Variants in FBXO42 observed in about 807,000 individuals in gnomAD.
FBXO42 encodes F-box only protein 42.
A neutral mutation model predicts 71.7 loss-of-function variants in FBXO42; 12 were observed. That is an observed-to-expected ratio of 0.17 (90% CI 0.11 to 0.27). The LOEUF (loss-of-function observed/expected upper bound fraction) is 0.27. Among genes scored for constraint, FBXO42 ranks in the 10% least tolerant of loss-of-function variants. The probability of loss-of-function intolerance (pLI) is 1.00; values close to 1 mark genes in which losing one functional copy is unlikely to be tolerated. For missense variants in FBXO42, 707 were observed against 911.9 expected (o/e 0.78, Z 2.89); for synonymous variants, 325 against 327.5 (o/e 0.99, Z 0.08).
intron 1 of FBXO42, among the ~76,000 whole-genome samples, chr1:16,332,058 AAAAGAAAAAGAAAAAGT>A (rs991406151): frequency 5.3e-5 from 8 of 152,170 alleles, no homozygotes; most frequent in Non-Finnish European, 1.2e-4. Context: ...TCCAAAAAAA[AAAAGAAAAAGAAAAAGT>A]ATATGATATC....
intron 2 of FBXO42, among the ~76,000 whole-genome samples, chr1:16,313,147 TA>T (rs2082329394): frequency 1.4e-5 from 2 of 147,520 alleles, no homozygotes; most frequent in Admixed American, 6.8e-5. Context: ...AAGTGCTCTT[TA>T]AAAAAAAAGT....
intron 1 of FBXO42, among the ~76,000 whole-genome samples, chr1:16,346,605 G>A (rs976236197): frequency 1.3e-5 from 2 of 150,716 alleles, no homozygotes; most frequent in Non-Finnish European, 3.0e-5. Flanking sequence ...GGAGAATGGT[G>A]TGAACCCGGG....
At position 16,340,474 on chromosome 1, in the gene FBXO42, C is replaced by G. The variant is rs539998348; in HGVS notation, c.-18+11781G>C. 1.8e-3 allele frequency among the ~76,000 whole-genome samples: 270 copies of G among 152,084 alleles called. 2 individuals are homozygous for G. The highest frequency in any genetic ancestry group is 8.4e-4 in the Non-Finnish European group (57 of 67,996). On this transcript the variant is annotated intron_variant, in intron 1 of 9. Coordinates refer to ENST00000375592, the MANE Select transcript of FBXO42 (RefSeq NM_018994.3). The stretch of plus-strand genomic sequence containing the variant: ...TAGCTGGAATTAAAGGCGCCCACCC[C>G]GCCCAGCTAATTTTTTGTATTTTTA...
intron 3 of FBXO42, 100 bp from the exon 4 acceptor site, chr1:16,295,017 G>T: frequency 7.3e-7 from 1 of 1,370,978 alleles, no homozygotes; most frequent in Non-Finnish European, 9.6e-7. Flanking sequence ...CACACATTCA[G>T]CAATTTTGTT....
At chr1:16,266,028 A>G (rs1484641844) in intron 4 of FBXO42, among the ~76,000 whole-genome samples, 3 of 152,192 alleles carry the variant, frequency 2.0e-5, no homozygotes, top group Admixed American at 6.5e-5. Flanking sequence ...GGAGAAACTG[A>G]CTTATTTATT....
chr1:16,344,274 T>C (rs1489310459), intron 1 of FBXO42, among the ~76,000 whole-genome samples: 1 of 150,104 alleles, frequency 6.7e-6, no homozygotes, highest in Non-Finnish European at 1.5e-5. Flanking sequence ...CTGGGATTAC[T>C]TTAAGTTAGC....
intron 4 of FBXO42, among the ~76,000 whole-genome samples, chr1:16,264,548 C>A (rs748243228): frequency 1.3e-5 from 2 of 152,186 alleles, no homozygotes; most frequent in Non-Finnish European, 2.9e-5. Context: ...CCATCAAGCA[C>A]GACAGGACCA....
chr1:16,251,211 T>G lies in FBXO42; in HGVS notation c.1613A>C (p.His538Pro). ...GGCACTGGCCACGTGAGGTGGGGTA[T>G]GCACACCATTTGTCTGTTCAGGAGG... The part of the protein sequence containing the change: ...RHPPEQTNGV[H>P]TPPHVASALA... Residue 538 changes from histidine (H) to proline (P), a missense_variant, in exon 10 of 10, where the codon CAT becomes CCT. Around this residue, in one of 5 missense-constraint regions of FBXO42, gnomAD observed 482 missense variants for 587.1 expected, o/e 0.82. Transcript: ENST00000375592. This position sits in a 1 kb window ranked among gnomAD's most constrained non-coding sequence, Gnocchi z 4.5. The G allele has an allele frequency of 3.7e-6, 6 of 1,614,168 alleles. No homozygotes were observed. The highest frequency in any genetic ancestry group is 5.1e-6 in the Non-Finnish European group (6 of 1,180,030).
Position 16,273,999 on chromosome 1 carries a change from C to A in FBXO42, c.503-17240G>T, listed in dbSNP as rs189144741. Reference sequence around the variant, plus strand: ...TCAAAAACGTGTTCAAAGAAAGAAGCCAGACATAAAATACTACCTATCACA... The same window carrying A: ...TCAAAAACGTGTTCAAAGAAAGAAGACAGACATAAAATACTACCTATCACA... On this transcript the variant is annotated intron_variant, in intron 4 of 9. Transcript: ENST00000375592. Among the ~76,000 whole-genome samples the A allele has an allele frequency of 5.2e-3, 790 of 152,224 alleles. 7 individuals are homozygous for A. Among genetic ancestry groups the A allele is most frequent in the African/African-American group, 0.018 (756 of 41,526 alleles).
In FBXO42 at chr1:16,352,440, G is replaced by A; in HGVS notation, c.-203C>T. On this transcript the variant is annotated 5_prime_UTR_variant, in exon 1 of 10. Transcript: ENST00000375592. ...CTTCCTCCACTCAAACGCCGCCGCC[G>A]CCGCAGCTGCTGCTGCTCAGGCCGG... 5.0e-6 allele frequency: 2 copies of A among 398,788 alleles called. No individual in the cohort carries two copies. Among genetic ancestry groups the A allele is most frequent in the East Asian group, 3.6e-5 (1 of 28,102 alleles). 24.7% of individuals were successfully genotyped at this position (398,788 alleles called of 1,614,324 possible). A position where few individuals can be genotyped will look rare whatever the true frequency, so the allele number is the denominator to read the frequency against.
At chr1:16,323,419 AAAACAAAC>A (rs139214149) in intron 1 of FBXO42, among the ~76,000 whole-genome samples, 4 of 152,072 alleles carry the variant, frequency 2.6e-5, no homozygotes, top group African/African-American at 9.7e-5. Context: ...CTCCGTCTCA[AAAACAAAC>A]AAACAAACAA....
chr1:16,250,668 C>T lies in FBXO42; in HGVS notation c.*2G>A, dbSNP rs774906930. On this transcript the variant is annotated 3_prime_UTR_variant, in exon 10 of 10. Coordinates refer to ENST00000375592, the MANE Select transcript of FBXO42 (RefSeq NM_018994.3). This position sits in a 1 kb window ranked among gnomAD's most constrained non-coding sequence, Gnocchi z 4.7. ...CAGAAAAGGAAAGGGGTTTAGAACA[C>T]ATTATCTCTTTGCTCGTACAAAGTA... 7 of 1,611,498 alleles carry T rather than the reference C, an allele frequency of 4.3e-6. No homozygotes were observed. Among genetic ancestry groups the T allele is most frequent in the African/African-American group, 1.3e-5 (1 of 74,718 alleles).
intron 3 of FBXO42, among the ~76,000 whole-genome samples, chr1:16,302,312 G>T (rs1310966009): frequency 6.6e-6 from 1 of 152,156 alleles, no homozygotes; most frequent in Non-Finnish European, 1.5e-5. Flanking sequence ...GCAAGACTGA[G>T]GTAGTGTATT....
chr1:16,263,068 A>C (rs1287745361), intron 4 of FBXO42, among the ~76,000 whole-genome samples: 1 of 152,186 alleles, frequency 6.6e-6, no homozygotes, highest in African/African-American at 2.4e-5. Flanking sequence ...GAAAACAAAC[A>C]ATAAGTCTCT....
intron 4 of FBXO42, among the ~76,000 whole-genome samples, chr1:16,279,124 A>T (rs1219274209): frequency 6.6e-6 from 1 of 152,146 alleles, no homozygotes; most frequent in African/African-American, 2.4e-5. Flanking sequence ...CTCCCTATCC[A>T]ATTTTTAAGG....
intron 4 of FBXO42, among the ~76,000 whole-genome samples, chr1:16,284,304 A>G (rs1017664365): frequency 6.6e-6 from 1 of 152,150 alleles, no homozygotes; most frequent in Admixed American, 6.6e-5. Flanking sequence ...TCAATAGAGA[A>G]CTTCCACCAG....
chr1:16,260,323 C>T (rs950291445), intron 4 of FBXO42, among the ~76,000 whole-genome samples: 1 of 150,532 alleles, frequency 6.6e-6, no homozygotes, highest in African/African-American at 2.4e-5. Flanking sequence ...ATTCTCCTGT[C>T]TCAGCCTCCC....
chr1:16,324,445 T>G lies in FBXO42; in HGVS notation c.-17-9010A>C, dbSNP rs543107512. ...ACCTATGAGACAAAACAAGAAGCCT[T>G]AACAGTTCAAGAAAGAAAGAGATGG... On this transcript the variant is annotated intron_variant, in intron 1 of 9. Coordinates refer to ENST00000375592, the MANE Select transcript of FBXO42 (RefSeq NM_018994.3). Among the ~76,000 whole-genome samples the G allele has an allele frequency of 1.2e-4, 18 of 152,166 alleles. 1 individual carries two copies. The highest frequency in any genetic ancestry group is 1.4e-4 in the African/African-American group (6 of 41,510).
At chr1:16,334,418 C>CAAAAAAAAAAA (rs757658037) in intron 1 of FBXO42, among the ~76,000 whole-genome samples, 1 of 52,788 alleles carries the variant, frequency 1.9e-5, no homozygotes, top group Non-Finnish European at 3.9e-5. Flanking sequence ...GACTCCGCCT[C>CAAAAAAAAAAA]AAAAAAAAAA....
Sources: gnomAD v4.1 joint callset for allele counts (sites outside exome capture counted in the v4.1 genomes callset) on GRCh38, gnomAD v4.1.1 for gene constraint, gnomAD v4.1.1 regional missense constraint, Gnocchi (gnomAD v3.1) non-coding constraint, MANE v1.5 for transcripts, NCBI Gene and HGNC (gene_info 2026-07-23, HGNC 2026-07-21) for gene names.